Variants in TRPS1 observed in about 807,000 individuals in gnomAD.
TRPS1 encodes transcriptional repressor GATA binding 1, also known as zinc finger transcription factor Trps1.
TRPS1 carries 6 observed loss-of-function variants against 101.2 expected under a neutral mutation model. That is an observed-to-expected ratio of 0.06 (90% CI 0.03 to 0.12). The LOEUF is 0.12. TRPS1 is among the 10% of genes least tolerant of loss of function. TRPS1 has a pLI of 1.00. For synonymous variants in TRPS1, 578 were observed against 589.8 expected (o/e 0.98, Z 0.29); for missense variants, 1,363 against 1,567.0 (o/e 0.87, Z 2.20).
chr8:115,453,780 G>C (rs1813943108), intron 5 of TRPS1, among the ~76,000 whole-genome samples: 1 of 152,312 alleles, frequency 6.6e-6, no homozygotes, highest in Admixed American at 6.5e-5. Flanking sequence ...AATTGATTTG[G>C]ATGAATTAGA....
At position 115,476,005 on chromosome 8, in the gene TRPS1, CTTTTTTTTT is replaced by C. The variant is rs1169514340; in HGVS notation, c.2701-57562_2701-57554del. Among the ~76,000 whole-genome samples the C allele has an allele frequency of 8.4e-4, 34 of 40,696 alleles. 1 individual carries two copies. The highest frequency in any genetic ancestry group is 1.2e-3 in the Non-Finnish European group (31 of 26,386). The allele number at this position is 40,696 out of a possible 152,430, so 26.7% of individuals were successfully genotyped here. On this transcript the variant is annotated intron_variant, in intron 5 of 6. Transcript: ENST00000395715. The stretch of plus-strand genomic sequence containing the variant: ...AAGAGGTGTTCAGAAAATATACTTT[CTTTTTTTTT>C]TTTTTTTTTTTTTTTTTTTTTTGAG...
chr8:115,481,050 T>C (rs1231115099), intron 5 of TRPS1, among the ~76,000 whole-genome samples: 1 of 152,140 alleles, frequency 6.6e-6, no homozygotes, highest in Non-Finnish European at 1.5e-5. Flanking sequence ...TAGAATTTGT[T>C]ATTTGCCTTT....
chr8:115,639,324 C>CT (rs1380881724), intron 1 of TRPS1, among the ~76,000 whole-genome samples: 2 of 152,140 alleles, frequency 1.3e-5, no homozygotes, highest in African/African-American at 4.8e-5. Flanking sequence ...CCACCTTGGC[C>CT]TTCCAGAGTG....
In TRPS1 at chr8:115,619,766, G is replaced by A; in HGVS notation, c.332C>T (p.Pro111Leu). 1 of 1,614,172 alleles carries A rather than the reference G, an allele frequency of 6.2e-7. No homozygotes were observed. The highest frequency in any genetic ancestry group is 1.3e-5 in the African/African-American group (1 of 75,032). Residue 111 changes from proline to leucine, a missense_variant, in exon 3 of 7, where the codon CCC becomes CTC. Pro to Leu is a moderately conservative substitution (Grantham distance 98, BLOSUM62 -3). Transcript: ENST00000395715. ...YESPSKGGNF[P>L]SFPHDEVTDR... ...TGTCACCTCATCATGCGGAAAGGAGGGAAAGTTTCCTCCCTTACTGGGGCT... is the reference window on the plus strand; with the variant it reads ...TGTCACCTCATCATGCGGAAAGGAGAGAAAGTTTCCTCCCTTACTGGGGCT...
intron 5 of TRPS1, among the ~76,000 whole-genome samples, chr8:115,472,480 T>G (rs1814497508): frequency 2.0e-5 from 3 of 152,230 alleles, no homozygotes; most frequent in Admixed American, 1.3e-4. Context: ...GAGGGGCTGC[T>G]GTGAAGGCCT....
At chr8:115,599,532 C>T (rs886853052) in intron 4 of TRPS1, among the ~76,000 whole-genome samples, 1 of 152,088 alleles carries the variant, frequency 6.6e-6, no homozygotes, top group Non-Finnish European at 1.5e-5. Context: ...ATGTCCCCCT[C>T]CACACCGTGT....
chr8:115,545,739 A>G (rs1816555066), intron 5 of TRPS1, among the ~76,000 whole-genome samples: 1 of 152,170 alleles, frequency 6.6e-6, no homozygotes, highest in Non-Finnish European at 1.5e-5. Context: ...TAATGATCTC[A>G]TCAGTCAAAT....
At chr8:115,606,034 A>C (rs1173856524) in intron 3 of TRPS1, among the ~76,000 whole-genome samples, 2 of 152,220 alleles carry the variant, frequency 1.3e-5, no homozygotes, top group Non-Finnish European at 2.9e-5. Context: ...GGGAATTTTT[A>C]AATTTTCCCA....
At chr8:115,649,084 T>G (rs1247489256) in intron 1 of TRPS1, among the ~76,000 whole-genome samples, 3 of 152,212 alleles carry the variant, frequency 2.0e-5, no homozygotes, top group African/African-American at 7.2e-5. Context: ...CTTAAACTAA[T>G]AGAGTTCTTT....
chr8:115,650,489 G>A (rs1811535054), intron 1 of TRPS1, among the ~76,000 whole-genome samples: 2 of 152,212 alleles, frequency 1.3e-5, no homozygotes, highest in Admixed American at 6.5e-5. Context: ...AATAATAGCA[G>A]GGCTTAATTT....
chr8:115,576,413 G>C (rs76601484), intron 5 of TRPS1, among the ~76,000 whole-genome samples: 1 of 151,924 alleles, frequency 6.6e-6, no homozygotes, highest in Non-Finnish European at 1.5e-5. Flanking sequence ...AATGTTTAAG[G>C]TTTTAAAGGA....
intron 1 of TRPS1, among the ~76,000 whole-genome samples, chr8:115,636,546 G>T (rs1818770860): frequency 6.6e-6 from 1 of 152,186 alleles, no homozygotes; most frequent in South Asian, 2.1e-4. Context: ...AAACATTTCA[G>T]TAATAATACA....
chr8:115,647,232 C>T (rs1001083160), intron 1 of TRPS1, among the ~76,000 whole-genome samples: 1 of 152,044 alleles, frequency 6.6e-6, no homozygotes, highest in African/African-American at 2.4e-5. Flanking sequence ...CAGAACAGCC[C>T]TACTAAAAAT....
At chr8:115,558,195 G>A (rs777753186) in intron 5 of TRPS1, among the ~76,000 whole-genome samples, 1 of 152,016 alleles carries the variant, frequency 6.6e-6, no homozygotes, top group Non-Finnish European at 1.5e-5. Flanking sequence ...TAAGACCAGG[G>A]ATAAAGGACA....
intron 5 of TRPS1, among the ~76,000 whole-genome samples, chr8:115,462,355 C>G (rs1461492160): frequency 6.6e-6 from 1 of 152,148 alleles, no homozygotes; most frequent in East Asian, 1.9e-4. Flanking sequence ...GAAGGGCAGT[C>G]TAATGCAGTA....
chr8:115,630,426 T>C (rs1818614202), intron 1 of TRPS1, among the ~76,000 whole-genome samples: 1 of 151,916 alleles, frequency 6.6e-6, no homozygotes, highest in Non-Finnish European at 1.5e-5. Flanking sequence ...CCCCAATTAT[T>C]AGTTTCTCCA....
chr8:115,560,742 C>T (rs1409560165), intron 5 of TRPS1, among the ~76,000 whole-genome samples: 3 of 152,046 alleles, frequency 2.0e-5, no homozygotes, highest in Non-Finnish European at 2.9e-5. Flanking sequence ...TTTTACAATG[C>T]TACCTGGCAG....
At chr8:115,662,898 T>C (rs1051370637) in intron 1 of TRPS1, among the ~76,000 whole-genome samples, 1 of 152,062 alleles carries the variant, frequency 6.6e-6, no homozygotes, top group Admixed American at 6.6e-5. Flanking sequence ...CATTTAAACT[T>C]CCACATTTTA....
chr8:115,443,921 T>C (rs1813668159), intron 5 of TRPS1, among the ~76,000 whole-genome samples: 2 of 152,188 alleles, frequency 1.3e-5, no homozygotes, highest in South Asian at 4.1e-4. Flanking sequence ...TCAACTTGAG[T>C]ATTTTGTCAC....
Sources: gnomAD v4.1 joint callset for allele counts (sites outside exome capture counted in the v4.1 genomes callset) on GRCh38, gnomAD v4.1.1 for gene constraint, MANE v1.5 for transcripts, NCBI Gene and HGNC (gene_info 2026-07-23, HGNC 2026-07-21) for gene names.